SPATA6: variants seen among roughly 807,000 people sequenced by gnomAD.
SPATA6 encodes spermatogenesis associated 6.
SPATA6 carries 56 observed loss-of-function variants against 65.3 expected under a neutral mutation model. That is an observed-to-expected ratio of 0.86 (90% CI 0.69 to 1.07). The LOEUF (loss-of-function observed/expected upper bound fraction) is 1.07, where lower values mean the gene tolerates loss of function less well. SPATA6 is among the 50% of genes least tolerant of loss of function. The pLI, the probability that SPATA6 is intolerant of heterozygous loss-of-function variation, is 0.00. For missense variants in SPATA6, 590 were observed against 594.8 expected (o/e 0.99, Z 0.08); for synonymous variants, 199 against 213.2 (o/e 0.93, Z 0.58).
At chr1:48,332,683 C>T (rs375031122) in intron 11 of SPATA6, among the ~76,000 whole-genome samples, 16 of 152,224 alleles carry the variant, frequency 1.1e-4, no homozygotes, top group South Asian at 8.3e-4. Flanking sequence ...AGAAAATTAA[C>T]GAAGAGATGC....
At position 48,436,915 on chromosome 1, in the gene SPATA6, C is replaced by T; in HGVS notation, c.238+14637G>A. 5.6e-6 allele frequency: 9 copies of T among 1,613,360 alleles called. No individual in the cohort carries two copies. In the South Asian group the frequency reaches 8.8e-5, roughly 16 times the overall value. On this transcript the variant is annotated intron_variant, in intron 3 of 12. Transcript: ENST00000371847. ...AGACTCTGGAATTGGAGAAAGTGTG[C>T]TTGTCTCCAGTGGAACTCACACAGT...
intron 11 of SPATA6, among the ~76,000 whole-genome samples, chr1:48,349,663 T>A (rs1570245892): frequency 6.6e-6 from 1 of 152,074 alleles, no homozygotes; most frequent in Non-Finnish European, 1.5e-5. Flanking sequence ...GTAGTCAACA[T>A]CTTCTGTCCC....
intron 11 of SPATA6, chr1:48,325,755 A>T (rs1388695996): frequency 6.1e-6 from 3 of 493,158 alleles, no homozygotes; most frequent in Non-Finnish European, 1.2e-5. Context: ...CGCAAGGTGT[A>T]TGCCCCTGTG....
chr1:48,469,142 A>AT (rs779629688), intron 1 of SPATA6, among the ~76,000 whole-genome samples: 1 of 152,092 alleles, frequency 6.6e-6, no homozygotes, highest in Non-Finnish European at 1.5e-5. Flanking sequence ...TAATATCCTT[A>AT]TTTTTAGAAG....
intron 3 of SPATA6, among the ~76,000 whole-genome samples, chr1:48,434,036 G>A (rs995891274): frequency 3.9e-5 from 6 of 152,072 alleles, no homozygotes; most frequent in Admixed American, 2.0e-4. Context: ...AAAGGAGACC[G>A]AAACAGCTAT....
chr1:48,353,865 G>A (rs1025382476), intron 11 of SPATA6, among the ~76,000 whole-genome samples: 10 of 151,874 alleles, frequency 6.6e-5, no homozygotes, highest in Non-Finnish European at 1.0e-4. Flanking sequence ...CTATAAAAAT[G>A]CTAATCAAAA....
chr1:48,309,522 T>A (rs921340023), intron 11 of SPATA6, among the ~76,000 whole-genome samples: 1 of 152,228 alleles, frequency 6.6e-6, no homozygotes, highest in African/African-American at 2.4e-5. Flanking sequence ...AATTTTATAT[T>A]TTATGAGACA....
At chr1:48,307,125 T>C (rs1645080182) in intron 11 of SPATA6, among the ~76,000 whole-genome samples, 1 of 151,592 alleles carries the variant, frequency 6.6e-6, no homozygotes, top group Admixed American at 6.6e-5. Flanking sequence ...AAAATGTAAT[T>C]GCCTGTAGTG....
intron 7 of SPATA6, among the ~76,000 whole-genome samples, chr1:48,398,279 C>A (rs1240592780): frequency 6.7e-6 from 1 of 149,234 alleles, no homozygotes; most frequent in African/African-American, 2.4e-5. Context: ...ATAAAACAAT[C>A]TGTTACTTAA....
downstream of SPATA6, among the ~76,000 whole-genome samples, chr1:48,294,119 T>C (rs556617243): frequency 1.3e-5 from 2 of 152,354 alleles, no homozygotes; most frequent in South Asian, 4.1e-4. Flanking sequence ...CTCTGTCACC[T>C]AGGCTGAAGT....
intron 1 of SPATA6, among the ~76,000 whole-genome samples, chr1:48,453,358 T>A (rs978808132): frequency 6.6e-6 from 1 of 152,198 alleles, no homozygotes; most frequent in African/African-American, 2.4e-5. Flanking sequence ...TGGTTACTTG[T>A]GCCACATTTG....
At chr1:48,403,781 C>G in intron 6 of SPATA6, 21 bp downstream of exon 6, 20 of 1,568,286 alleles carry the variant, frequency 1.3e-5, no homozygotes, top group Non-Finnish European at 1.7e-5. Context: ...CCATTAAATA[C>G]TTTATACAAA....
chr1:48,464,034 T>C (rs1335608682), intron 1 of SPATA6, among the ~76,000 whole-genome samples: 2 of 151,992 alleles, frequency 1.3e-5, no homozygotes, highest in Non-Finnish European at 2.9e-5. Context: ...ACATTCAGGA[T>C]TTTTTAAAAT....
rs969691725 is a variant in SPATA6, at chr1:48,297,411, T to C, written c.*1302A>G. 6 of 152,104 alleles carry C rather than the reference T, an allele frequency of 3.9e-5. No individual in the cohort carries two copies. The highest frequency in any genetic ancestry group is 1.4e-4 in the African/African-American group (6 of 41,420). 9.4% of individuals were successfully genotyped at this position (152,104 alleles called of 1,614,324 possible). A position where few individuals can be genotyped will look rare whatever the true frequency, so the allele number is the denominator to read the frequency against. On this transcript the variant is annotated 3_prime_UTR_variant, in exon 13 of 13. Coordinates refer to ENST00000371847, the MANE Select transcript of SPATA6 (RefSeq NM_019073.4). The stretch of plus-strand genomic sequence containing the variant: ...GCTCATAGAGATAGCTCTAATGCCC[T>C]TTCTGATATATCACAGACTGTGATA...
intron 11 of SPATA6, among the ~76,000 whole-genome samples, chr1:48,311,141 C>A (rs1027551538): frequency 6.6e-6 from 1 of 151,948 alleles, no homozygotes; most frequent in African/African-American, 2.4e-5. Flanking sequence ...ATCAATAACC[C>A]AAAGCTTTTA....
At chr1:48,285,189 C>A in the SPATA6 span, among the ~76,000 whole-genome samples, 1 of 152,100 alleles carries the variant, frequency 6.6e-6, no homozygotes, top group African/African-American at 2.4e-5. Context: ...GCGGTGGGCT[C>A]CTCCCAGTTC....
chr1:48,459,760 C>T (rs1181682749), intron 1 of SPATA6, among the ~76,000 whole-genome samples: 1 of 151,876 alleles, frequency 6.6e-6, no homozygotes, highest in African/African-American at 2.4e-5. Context: ...TTTAAAAAAT[C>T]ATGCAGAGTA....
chr1:48,423,414 C>T (rs561823317), intron 3 of SPATA6, among the ~76,000 whole-genome samples: 15 of 150,674 alleles, frequency 1.0e-4, no homozygotes, highest in African/African-American at 3.7e-4. Context: ...AGAGATTGCA[C>T]CATTGCACTC....
At chr1:48,468,130 C>G (rs1353153772) in intron 1 of SPATA6, among the ~76,000 whole-genome samples, 1 of 152,194 alleles carries the variant, frequency 6.6e-6, no homozygotes, top group Non-Finnish European at 1.5e-5. Context: ...CTGCATTATT[C>G]ACCATACTCA....
Sources: allele counts gnomAD v4.1 joint callset (sites outside exome capture counted in the v4.1 genomes callset), GRCh38; gene constraint gnomAD v4.1.1; transcripts MANE v1.5; gene names NCBI Gene and HGNC (gene_info 2026-07-23, HGNC 2026-07-21).